Variants in NUP50 observed in about 807,000 individuals in gnomAD.
NUP50 encodes the protein nuclear pore complex protein Nup50.
NUP50 carries 14 observed loss-of-function variants against 36.8 expected under a neutral mutation model. That is an observed-to-expected ratio of 0.38 (90% CI 0.25 to 0.59). The LOEUF is 0.59. Ranked by LOEUF, NUP50 falls within the 20% of genes least tolerant of loss-of-function variation. NUP50 has a pLI of 0.63. For missense variants in NUP50, 455 were observed against 564.6 expected, an observed-to-expected ratio of 0.81 and a Z score of 1.97; for synonymous variants, 195 against 210.8, an observed-to-expected ratio of 0.93 and a Z score of 0.65.
chr22:45,171,995 G>T (rs569311718), intron 3 of NUP50: 1 of 286,026 alleles, frequency 3.5e-6, no homozygotes, highest in South Asian at 4.5e-5. Context: ...AAAACGCAAG[G>T]ATCTTCTGAG....
rs186254977 is a variant in NUP50 at position 45,186,125 on chromosome 22, T to C, written c.*1470T>C. On this transcript the variant is annotated 3_prime_UTR_variant, in exon 8 of 8. Coordinates refer to ENST00000347635, the MANE Select transcript of NUP50 (RefSeq NM_007172.4). Reference sequence around the variant, plus strand: ...AGTCACTGAGGTGTGATTGGGCCAATGTTGGCATGAGGTTCTTGCTCTACT... The same window carrying C: ...AGTCACTGAGGTGTGATTGGGCCAACGTTGGCATGAGGTTCTTGCTCTACT... The C allele has an allele frequency of 6.6e-6, 1 of 152,342 alleles. No individual in the cohort carries two copies. The highest frequency in any genetic ancestry group is 1.5e-5 in the Non-Finnish European group (1 of 68,032). 9.4% of individuals were successfully genotyped at this position (152,342 alleles called of 1,614,324 possible). A position where few individuals can be genotyped will look rare whatever the true frequency, so the allele number is the denominator to read the frequency against.
chr22:45,182,749 C>T lies in NUP50; in HGVS notation c.1086-653C>T, dbSNP rs1360088533. 5.3e-5 allele frequency among the ~76,000 whole-genome samples: 8 copies of T among 150,516 alleles called. No individual in the cohort carries two copies. The East Asian group carries it at 1.2e-3, about 22-fold the overall frequency. On this transcript the variant is annotated intron_variant, in intron 6 of 7. Coordinates refer to ENST00000347635, the MANE Select transcript of NUP50 (RefSeq NM_007172.4). ...ATGCCATTCTCCTGCCTCAGCCTCCCGAGTAGCTGGGACTACAGGTGCCCG... is the reference window on the plus strand; with the variant it reads ...ATGCCATTCTCCTGCCTCAGCCTCCTGAGTAGCTGGGACTACAGGTGCCCG...
rs1183342134 is a variant in NUP50 at position 45,184,369 on chromosome 22, C to T, written c.1205-84C>T. 16 of 1,210,124 alleles carry T rather than the reference C, an allele frequency of 1.3e-5. No individual in the cohort carries two copies. In the East Asian group the frequency reaches 3.1e-4, roughly 23 times the overall value. The allele number at this position is 1,210,124 out of a possible 1,614,324, so 75.0% of individuals were successfully genotyped here. On this transcript the variant is annotated intron_variant, in intron 7 of 7. Coordinates refer to ENST00000347635, the MANE Select transcript of NUP50 (RefSeq NM_007172.4). ...TCTTAGATGTATTAAGTTATTTCAG[C>T]ATTTAATGTTTAGCATATTACAGAC... is the stretch of plus-strand genomic sequence containing the variant.
At chr22:45,170,520 TCTTC>T (rs1274203816) in intron 2 of NUP50, among the ~76,000 whole-genome samples, 1 of 152,254 alleles carries the variant, frequency 6.6e-6, no homozygotes, top group East Asian at 1.9e-4. Flanking sequence ...TAGACGGCCA[TCTTC>T]CTTCTTTTGG....
Position 45,184,669 on chromosome 22 carries a change from G to A in NUP50, c.*14G>A. Reference sequence around the variant, plus strand: ...AAGGATGCCTGAACACGCAAAGTCGGCTGCAGAATTATTGCCAAGTTGCTG... The same window carrying A: ...AAGGATGCCTGAACACGCAAAGTCGACTGCAGAATTATTGCCAAGTTGCTG... On this transcript the variant is annotated 3_prime_UTR_variant, in exon 8 of 8. Coordinates refer to ENST00000347635, the MANE Select transcript of NUP50 (RefSeq NM_007172.4). The A allele has an allele frequency of 6.2e-7, 1 of 1,602,728 alleles. No individual in the cohort carries two copies. Among genetic ancestry groups the A allele is most frequent in the Non-Finnish European group, 8.5e-7 (1 of 1,174,636 alleles).
intron 5 of NUP50, among the ~76,000 whole-genome samples, chr22:45,179,852 C>A (rs1310630108): frequency 6.6e-6 from 1 of 152,212 alleles, no homozygotes; most frequent in African/African-American, 2.4e-5. Context: ...TCACTGCACT[C>A]CAGCCTGGGC....
chr22:45,170,892 C>G, intron 2 of NUP50: 1 of 863,420 alleles, frequency 1.2e-6, no homozygotes, highest in South Asian at 1.6e-5. Context: ...CAGATGGTCC[C>G]CTCTATGAGT....
Position 45,184,840 on chromosome 22 carries a change from CCCTT to C in NUP50, c.*187_*190del. ...GTTAAGTGTCAAGAAACTGCACTCT[CCCTT>C]CTTAAGAACTGCCTAAAGTGTAAAA... is the stretch of plus-strand genomic sequence containing the variant. On this transcript the variant is annotated 3_prime_UTR_variant, in exon 8 of 8. Coordinates refer to ENST00000347635, the MANE Select transcript of NUP50 (RefSeq NM_007172.4). The C allele has an allele frequency of 1.6e-6, 1 of 614,204 alleles. No individual in the cohort carries two copies. The highest frequency in any genetic ancestry group is 2.9e-6 in the Non-Finnish European group (1 of 339,340). The allele number at this position is 614,204 out of a possible 1,614,324, so 38.0% of individuals were successfully genotyped here.
At position 45,186,027 on chromosome 22, in the gene NUP50, T is replaced by C. The variant is rs959649253; in HGVS notation, c.*1372T>C. Reference sequence around the variant, plus strand: ...ATAATTGTGGACGGTACAGTGGCTTTTTAAAACTACAGTCTTTAGGTGTAA... The same window carrying C: ...ATAATTGTGGACGGTACAGTGGCTTCTTAAAACTACAGTCTTTAGGTGTAA... On this transcript the variant is annotated 3_prime_UTR_variant, in exon 8 of 8. Transcript: ENST00000347635. The C allele has an allele frequency of 6.6e-6, 1 of 152,242 alleles. No homozygotes were observed. The highest frequency in any genetic ancestry group is 2.4e-5 in the African/African-American group (1 of 41,460). 9.4% of individuals were successfully genotyped at this position (152,242 alleles called of 1,614,324 possible). A position where few individuals can be genotyped will look rare whatever the true frequency, so the allele number is the denominator to read the frequency against.
intron 3 of NUP50, among the ~76,000 whole-genome samples, chr22:45,174,117 A>G (rs992909630): frequency 2.6e-5 from 4 of 152,022 alleles, no homozygotes; most frequent in African/African-American, 7.3e-5. Context: ...AGTAAAACCA[A>G]TGAGGGAAAT....
chr22:45,183,881 A>G, intron 7 of NUP50: 1 of 238,740 alleles, frequency 4.2e-6, no homozygotes, highest in South Asian at 5.5e-5. Context: ...TAACCTGAAA[A>G]GAGTCCACTG....
chr22:45,171,730 C>G (rs770832814), intron 3 of NUP50, 47 bp downstream of exon 3: 1 of 1,482,956 alleles, frequency 6.7e-7, no homozygotes, highest in Non-Finnish European at 9.4e-7. Flanking sequence ...CATTTGATTT[C>G]TGGGTTGCAC....
intron 1 of NUP50, among the ~76,000 whole-genome samples, chr22:45,167,672 G>A (rs1321517507): frequency 6.6e-6 from 1 of 152,114 alleles, no homozygotes; most frequent in Non-Finnish European, 1.5e-5. Context: ...AACAGTATTC[G>A]TGTTGTGGAG....
At chr22:45,183,079 T>TGGGGGGG (rs2074405021) in intron 6 of NUP50, among the ~76,000 whole-genome samples, 1 of 7,936 alleles carries the variant, frequency 1.3e-4, no homozygotes. Context: ...TGGCAGGGGT[T>TGGGGGGG]GGGGGCGGGG....
intron 3 of NUP50, among the ~76,000 whole-genome samples, chr22:45,174,071 AG>A (rs1453321122): frequency 6.6e-6 from 1 of 152,178 alleles, no homozygotes; most frequent in African/African-American, 2.4e-5. Flanking sequence ...ACAAATACAT[AG>A]TATTAATTTT....
intron 2 of NUP50, chr22:45,171,302 T>C: frequency 3.3e-6 from 2 of 609,888 alleles, no homozygotes; most frequent in Non-Finnish European, 4.7e-6. Context: ...AGGGTTCAAG[T>C]GATTCTCCTG....
intron 2 of NUP50, among the ~76,000 whole-genome samples, chr22:45,169,779 G>A (rs906199863): frequency 1.3e-5 from 2 of 152,218 alleles, no homozygotes; most frequent in African/African-American, 2.4e-5. Flanking sequence ...TTAGTAGACC[G>A]TGAAAGGGAG....
intron 2 of NUP50, 136 bp from the exon 3 acceptor site, chr22:45,171,464 A>G (rs997611113): frequency 2.5e-6 from 2 of 795,334 alleles, no homozygotes; most frequent in Admixed American, 4.6e-5. Flanking sequence ...TTATAGGCGC[A>G]AGCCATTGTG....
intron 2 of NUP50, among the ~76,000 whole-genome samples, chr22:45,169,696 A>G (rs554597945): frequency 6.6e-6 from 1 of 152,346 alleles, no homozygotes; most frequent in East Asian, 1.9e-4. Flanking sequence ...GCCCTCTGTC[A>G]CGCCCGCATA....
Sources: gnomAD v4.1 joint callset for allele counts (sites outside exome capture counted in the v4.1 genomes callset) on GRCh38, gnomAD v4.1.1 for gene constraint, MANE v1.5 for transcripts, NCBI Gene and HGNC (gene_info 2026-07-23, HGNC 2026-07-21) for gene names.